CADPS: variants seen among roughly 807,000 people sequenced by gnomAD.
CADPS encodes calcium-dependent secretion activator 1.
CADPS carries 57 observed loss-of-function variants against 167.3 expected under a neutral mutation model. The observed-to-expected ratio is 0.34, with a 90% CI of 0.28 to 0.42. The LOEUF (loss-of-function observed/expected upper bound fraction) is 0.42, where lower values mean the gene tolerates loss of function less well. Ranked by LOEUF, CADPS falls within the 20% of genes least tolerant of loss-of-function variation. The pLI is 1.00. For missense variants in CADPS, 1,414 were observed against 1,738.1 expected, an observed-to-expected ratio of 0.81 and a Z score of 3.32; for synonymous variants, 676 against 635.3, an observed-to-expected ratio of 1.06 and a Z score of -0.96.
chr3:62,577,331 T>A (rs902890608), intron 8 of CADPS, among the ~76,000 whole-genome samples: 2 of 152,222 alleles, frequency 1.3e-5, no homozygotes, highest in African/African-American at 4.8e-5. Context: ...TTGTTATTAA[T>A]CATAGTCACC....
At chr3:62,691,767 G>C (rs1392196208) in intron 3 of CADPS, among the ~76,000 whole-genome samples, 1 of 151,962 alleles carries the variant, frequency 6.6e-6, no homozygotes, top group African/African-American at 2.4e-5. Flanking sequence ...ACACACACTG[G>C]GGCCTGTCGG....
intron 3 of CADPS, among the ~76,000 whole-genome samples, chr3:62,693,606 ACT>A (rs1285369811): frequency 2.0e-5 from 3 of 151,458 alleles, no homozygotes; most frequent in Non-Finnish European, 4.4e-5. Context: ...ATATGGTGAA[ACT>A]CTGTCTGTAC....
chr3:62,543,887 C>T lies in CADPS; in HGVS notation c.1966+6016G>A, dbSNP rs1230859735. ...AGTATGTGTTCTTTTTTATTAATAA[C>T]TCGAATAGTTAAGAGAAATATTTTT... On this transcript the variant is annotated intron_variant, in intron 11 of 29. Coordinates refer to ENST00000383710, the MANE Select transcript of CADPS (RefSeq NM_003716.4). Among the ~76,000 whole-genome samples the T allele has an allele frequency of 9.9e-5, 15 of 151,992 alleles. 1 individual carries two copies. The highest frequency in any genetic ancestry group is 9.2e-4 in the Admixed American group (14 of 15,256).
chr3:62,427,228 T>C (rs2052932267), intron 28 of CADPS, among the ~76,000 whole-genome samples: 1 of 152,030 alleles, frequency 6.6e-6, no homozygotes, highest in African/African-American at 2.4e-5. Context: ...TTGGCAAAAT[T>C]AGGTGTTAAT....
intron 7 of CADPS, 33 bp from the exon 8 acceptor site, chr3:62,585,357 G>T (rs368486501): frequency 1.7e-5 from 27 of 1,588,004 alleles, no homozygotes; most frequent in Non-Finnish European, 2.3e-5. Context: ...AACTAGAAAA[G>T]AGAAGCACCA....
intron 9 of CADPS, among the ~76,000 whole-genome samples, chr3:62,560,195 A>G (rs2078903150): frequency 1.3e-5 from 2 of 152,192 alleles, no homozygotes; most frequent in African/African-American, 2.4e-5. Context: ...TTCTCTTTGA[A>G]TGATTCTAAT....
rs553148259 is a variant in CADPS at position 62,450,466 on chromosome 3, C to T, written c.3637-4669G>A. Among the ~76,000 whole-genome samples, 5 of 152,324 alleles carry T rather than the reference C, an allele frequency of 3.3e-5. No homozygotes were observed. The East Asian group carries it at 9.7e-4, about 29-fold the overall frequency. On this transcript the variant is annotated intron_variant, in intron 26 of 29. Coordinates refer to ENST00000383710, the MANE Select transcript of CADPS (RefSeq NM_003716.4). ...TACCTGGTCTGGCATCCCTCCTGAG[C>T]AGGTTCTCAACTGCCCTCAAAGGGA...
intron 11 of CADPS, among the ~76,000 whole-genome samples, chr3:62,548,927 G>C (rs1271468790): frequency 2.0e-5 from 3 of 152,166 alleles, no homozygotes; most frequent in African/African-American, 2.4e-5. Flanking sequence ...CTGTTCACTT[G>C]TTTACTATCT....
At chr3:62,449,098 A>G (rs991854071) in intron 26 of CADPS, among the ~76,000 whole-genome samples, 4 of 152,202 alleles carry the variant, frequency 2.6e-5, no homozygotes, top group African/African-American at 9.7e-5. Flanking sequence ...TTTGTTCACA[A>G]TGGTTCCAGA....
rs1400657977 is a variant in CADPS at position 62,398,794 on chromosome 3, T to G, written c.*612A>C. ...GCAATTAAGAGAATCAATCCATTGGTATGTAGCCATCCTTTTTTTTTTGGC... is the reference window on the plus strand; with the variant it reads ...GCAATTAAGAGAATCAATCCATTGGGATGTAGCCATCCTTTTTTTTTTGGC... On this transcript the variant is annotated 3_prime_UTR_variant, in exon 30 of 30. Coordinates refer to ENST00000383710, the MANE Select transcript of CADPS (RefSeq NM_003716.4). 6.6e-6 allele frequency: 1 copy of G among 152,124 alleles called. No individual in the cohort carries two copies. The highest frequency in any genetic ancestry group is 1.5e-5 in the Non-Finnish European group (1 of 68,040). The allele number at this position is 152,124 out of a possible 1,614,324, so 9.4% of individuals were successfully genotyped here. A position where few individuals can be genotyped will look rare whatever the true frequency, so the allele number is the denominator to read the frequency against.
chr3:62,856,893 A>T (rs755118866), intron 1 of CADPS, among the ~76,000 whole-genome samples: 18 of 151,872 alleles, frequency 1.2e-4, no homozygotes, highest in Non-Finnish European at 2.2e-4. Context: ...AAGTAGTAGA[A>T]GAAGATAGGT....
At position 62,412,146 on chromosome 3, in the gene CADPS, A is replaced by ATTTTT. The variant is rs60203483; in HGVS notation, c.3778-8966_3778-8962dup. On this transcript the variant is annotated intron_variant, in intron 28 of 29. Coordinates refer to ENST00000383710, the MANE Select transcript of CADPS (RefSeq NM_003716.4). The surrounding 1 kb of genome is among the most constrained non-coding windows in gnomAD (Gnocchi z 4.1). ...AGTGTCATTTTTAGTTGAGGGTAGG[A>ATTTTT]TTTTTTTTTTTTTTTTTTAACGTCC... is the stretch of plus-strand genomic sequence containing the variant. 1.4e-5 allele frequency among the ~76,000 whole-genome samples: 2 copies of ATTTTT among 140,492 alleles called. No individual in the cohort carries two copies. The highest frequency in any genetic ancestry group is 3.1e-5 in the Non-Finnish European group (2 of 65,474). The allele number at this position is 140,492 out of a possible 152,430, so 92.2% of individuals were successfully genotyped here.
intron 1 of CADPS, among the ~76,000 whole-genome samples, chr3:62,822,699 G>A (rs1269857858): frequency 1.3e-5 from 2 of 151,988 alleles, no homozygotes; most frequent in Non-Finnish European, 2.9e-5. Context: ...AAAATTAGCT[G>A]GGCGTGGTAG....
intron 4 of CADPS, among the ~76,000 whole-genome samples, chr3:62,658,402 G>A (rs2072277466): frequency 6.6e-6 from 1 of 152,120 alleles, no homozygotes; most frequent in African/African-American, 2.4e-5. Flanking sequence ...GGATTGGTAT[G>A]AGGGGGAAAG....
chr3:62,580,598 A>T (rs556290833), intron 8 of CADPS, among the ~76,000 whole-genome samples: 2 of 148,672 alleles, frequency 1.3e-5, no homozygotes, highest in African/African-American at 2.6e-5. Flanking sequence ...AAAAAAATAA[A>T]AAAAAAAAGA....
Position 62,514,356 on chromosome 3 carries a change from C to A in CADPS, c.2582-1588G>T, listed in dbSNP as rs2068508501. 6.6e-6 allele frequency among the ~76,000 whole-genome samples: 1 copy of A among 151,930 alleles called. No homozygotes were observed. The highest frequency in any genetic ancestry group is 1.5e-5 in the Non-Finnish European group (1 of 67,960). ...GCATGCTTTGAAATTGGTGTCTCAG[C>A]CACTTTTGCAGAGGTCACATTAAAG... is the stretch of plus-strand genomic sequence containing the variant. On this transcript the variant is annotated intron_variant, in intron 16 of 29. Coordinates refer to ENST00000383710, the MANE Select transcript of CADPS (RefSeq NM_003716.4). This position sits in a 1 kb window ranked among gnomAD's most constrained non-coding sequence, Gnocchi z 4.2.
chr3:62,836,482 G>A (rs2153016949), intron 1 of CADPS, among the ~76,000 whole-genome samples: 1 of 152,240 alleles, frequency 6.6e-6, no homozygotes, highest in East Asian at 1.9e-4. Context: ...CAGCCAGGAT[G>A]CAAGTTAAGG....
chr3:62,543,510 C>G (rs1054418954), intron 11 of CADPS, among the ~76,000 whole-genome samples: 10 of 152,034 alleles, frequency 6.6e-5, no homozygotes, highest in Non-Finnish European at 1.3e-4. Flanking sequence ...TATGATAAGC[C>G]TTTTAAAATG....
intron 6 of CADPS, among the ~76,000 whole-genome samples, chr3:62,621,062 A>G (rs1473857121): frequency 1.3e-5 from 2 of 152,170 alleles, no homozygotes; most frequent in East Asian, 3.9e-4. Flanking sequence ...TGGATCCAGC[A>G]TCTTTGTTTC....
Sources: gnomAD v4.1 joint callset for allele counts (sites outside exome capture counted in the v4.1 genomes callset) on GRCh38, gnomAD v4.1.1 for gene constraint, Gnocchi (gnomAD v3.1) non-coding constraint, MANE v1.5 for transcripts, NCBI Gene and HGNC (gene_info 2026-07-23, HGNC 2026-07-21) for gene names.